Variants in ZNF875 observed in about 807,000 individuals in gnomAD.
ZNF875 encodes HKR1, GLI-Kruppel zinc finger family member.
A neutral mutation model predicts 11.2 loss-of-function variants in ZNF875; 14 were observed. The ratio of observed to expected loss-of-function variants is 1.26; its 90% confidence interval spans 0.83 to 1.96. ZNF875 has a LOEUF of 1.96. Among genes scored for constraint, ZNF875 ranks in the 30% most tolerant of loss-of-function variants. ZNF875 has a pLI of 0.00. For missense variants in ZNF875, 752 were observed against 760.4 expected (o/e 0.99, Z 0.13); for synonymous variants, 301 against 281.1 (o/e 1.07, Z -0.71).
At chr19:37,359,612 C>G (rs1250803671) in intron 4 of ZNF875, 1 of 201,990 alleles carries the variant, frequency 5.0e-6, no homozygotes, top group Non-Finnish European at 1.0e-5. Context: ...CCATGTTGGC[C>G]AGGATGGTCT....
intron 1 of ZNF875, chr19:37,318,197 G>T: frequency 6.5e-6 from 1 of 153,258 alleles, no homozygotes; most frequent in South Asian, 1.9e-4. Context: ...GTAAAAACGG[G>T]ACTTTTTCAG....
chr19:37,354,750 T>C (rs1459398910), intron 4 of ZNF875, among the ~76,000 whole-genome samples: 1 of 152,172 alleles, frequency 6.6e-6, no homozygotes, highest in African/African-American at 2.4e-5. Flanking sequence ...TTATGCAGAC[T>C]GGGTTAGTTC....
chr19:37,336,954 C>G (rs2034588644), intron 2 of ZNF875, among the ~76,000 whole-genome samples: 1 of 152,104 alleles, frequency 6.6e-6, no homozygotes, highest in African/African-American at 2.4e-5. Flanking sequence ...TACAGACTAT[C>G]TATTCACACA....
chr19:37,317,798 C>A (rs566483668), upstream of ZNF875: 3 of 152,392 alleles, frequency 2.0e-5, no homozygotes, highest in African/African-American at 4.8e-5. Flanking sequence ...AGCGTCCCTT[C>A]CTTTTGTGTT....
At chr19:37,342,269 T>G (rs1338487276) in intron 2 of ZNF875, among the ~76,000 whole-genome samples, 1 of 152,196 alleles carries the variant, frequency 6.6e-6, no homozygotes, top group East Asian at 1.9e-4. Flanking sequence ...AGACTGAAGA[T>G]GTAAAATAAT....
rs146774743 is a variant in ZNF875 at position 37,319,344 on chromosome 19, CAT to C, written c.-747+1182_-747+1183del. On this transcript the variant is annotated intron_variant, in intron 1 of 5. Transcript: ENST00000544914. ...TACAGGTGTGCTCCACTGCAGCCGG[CAT>C]ATATATATATATATATATATATAAT... Among the ~76,000 whole-genome samples, 834 of 112,274 alleles carry C rather than the reference CAT, an allele frequency of 7.4e-3. 38 individuals are homozygous for C. Among genetic ancestry groups the C allele is most frequent in the East Asian group, 0.053 (203 of 3,834 alleles). The allele number at this position is 112,274 out of a possible 152,430, so 73.7% of individuals were successfully genotyped here.
rs1025383329 is a variant in ZNF875 at position 37,363,074 on chromosome 19, C to T, written c.1222C>T (p.His408Tyr). 1 of 1,613,458 alleles carries T rather than the reference C, an allele frequency of 6.2e-7. No individual in the cohort carries two copies. The highest frequency in any genetic ancestry group is 8.5e-7 in the Non-Finnish European group (1 of 1,179,848). The change falls in exon 5 of 5, where the codon CAC becomes TAC. Residue 408 changes from histidine (H) to tyrosine (Y), a missense_variant. By Grantham distance (83) the His-to-Tyr change is moderately conservative. Coordinates refer to ENST00000392153, the MANE Select transcript of ZNF875 (RefSeq NM_001353803.2). ...TGAGCAAGGCTTTAGCCAGAAGTCA[C>T]ACCTCATCAGACACTTAAGGACACA... ...ECEQGFSQKS[H>Y]LIRHLRTHTG...
chr19:37,334,556 C>G (rs750099043), upstream of ZNF875: 60 of 376,770 alleles, frequency 1.6e-4, 1 homozygote, highest in Middle Eastern at 1.3e-3. Flanking sequence ...ACTTCTCCGC[C>G]TCTGTAGCTC....
At chr19:37,327,394 T>G (rs2032657162) in intron 4 of ZNF875, among the ~76,000 whole-genome samples, 1 of 152,228 alleles carries the variant, frequency 6.6e-6, no homozygotes, top group Non-Finnish European at 1.5e-5. Flanking sequence ...TCACTGTGTG[T>G]TGCTTTGCAT....
At chr19:37,350,799 CTTTTTTTTTT>C (rs61142979) in intron 4 of ZNF875, among the ~76,000 whole-genome samples, 2 of 91,266 alleles carry the variant, frequency 2.2e-5, no homozygotes, top group Admixed American at 1.3e-4. Context: ...ATTCTTTTTG[CTTTTTTTTTT>C]TTTTTTTTTT....
upstream of ZNF875, among the ~76,000 whole-genome samples, chr19:37,316,240 GA>G (rs1173583694): frequency 6.6e-6 from 1 of 152,224 alleles, no homozygotes; most frequent in Non-Finnish European, 1.5e-5. Flanking sequence ...CTGTCCTCCG[GA>G]ATTGCTAGGT....
chr19:37,347,522 G>C (rs563080669), intron 3 of ZNF875: 3 of 617,892 alleles, frequency 4.9e-6, no homozygotes, highest in South Asian at 4.1e-5. Context: ...ACATTTCCAG[G>C]CCTGTTTCCC....
At chr19:37,338,495 C>G (rs1040642479) in intron 2 of ZNF875, among the ~76,000 whole-genome samples, 14 of 152,158 alleles carry the variant, frequency 9.2e-5, no homozygotes, top group Admixed American at 7.9e-4. Flanking sequence ...TGGGAAAAGT[C>G]AGAAGTTTGT....
At chr19:37,332,928 G>C (rs1216914273), upstream of ZNF875, among the ~76,000 whole-genome samples, 2 of 152,174 alleles carry the variant, frequency 1.3e-5, no homozygotes. Flanking sequence ...TCAGGTGAGA[G>C]TGTATCATTG....
chr19:37,351,876 T>C (rs553102624), intron 4 of ZNF875, among the ~76,000 whole-genome samples: 1 of 152,354 alleles, frequency 6.6e-6, no homozygotes, highest in South Asian at 2.1e-4. Context: ...TTAAAAGGAA[T>C]GTGTATTCTG....
rs2040114311 is a variant in ZNF875 at position 37,362,545 on chromosome 19, T to G, written c.693T>G (p.Phe231Leu). The G allele has an allele frequency of 2.5e-6, 4 of 1,614,100 alleles. No individual in the cohort carries two copies. Among genetic ancestry groups the G allele is most frequent in the Middle Eastern group, 1.6e-4 (1 of 6,084 alleles). The change falls in exon 5 of 5, where the codon TTT becomes TTG. Residue 231 changes from phenylalanine to leucine, a missense_variant. Transcript: ENST00000392153. ...SGFGEIKYEE[F>L]GPGFIKESNL... ...TTGGAGAAATCAAATATGAAGAGTT[T>G]GGGCCAGGCTTTATCAAGGAGTCAA...
upstream of ZNF875, among the ~76,000 whole-genome samples, chr19:37,332,735 C>A (rs2033595901): frequency 6.6e-6 from 1 of 151,866 alleles, no homozygotes. Flanking sequence ...TTGTTTTTTG[C>A]TGATTTTTAT....
In ZNF875 at chr19:37,363,699, A is replaced by G. The variant is rs2040372731; in HGVS notation, c.1847A>G (p.Tyr616Cys). 3.7e-6 allele frequency: 6 copies of G among 1,613,396 alleles called. No individual in the cohort carries two copies. The highest frequency in any genetic ancestry group is 2.2e-5 in the East Asian group (1 of 44,882). The stretch of plus-strand genomic sequence containing the variant: ...AGGACACATTCAGGAGAGAAGCCTT[A>G]TATTTGCAGAAAGTGTGGACGGGGC... ...HQRTHSGEKPYICRKCGRGFS... is the reference protein window; with the variant it reads ...HQRTHSGEKPCICRKCGRGFS... Residue 616 changes from tyrosine to cysteine, a missense_variant, in exon 5 of 5, where the codon TAT (tyrosine) becomes TGT (cysteine). Physicochemically the swap from Tyr to Cys is radical, Grantham distance 194. Coordinates refer to ENST00000392153, the MANE Select transcript of ZNF875 (RefSeq NM_001353803.2).
chr19:37,360,176 G>C (rs1337659410), intron 4 of ZNF875, among the ~76,000 whole-genome samples: 1 of 152,154 alleles, frequency 6.6e-6, no homozygotes, highest in Non-Finnish European at 1.5e-5. Flanking sequence ...CTCATATAAA[G>C]AGTATCCTTC....
Sources: allele counts gnomAD v4.1 joint callset (sites outside exome capture counted in the v4.1 genomes callset), GRCh38; gene constraint gnomAD v4.1.1; transcripts MANE v1.5; gene names NCBI Gene and HGNC (gene_info 2026-07-23, HGNC 2026-07-21).